Variants in CCDC178 observed in about 807,000 individuals in gnomAD.
CCDC178 encodes coiled-coil domain-containing protein 178.
A neutral mutation model predicts 117.4 loss-of-function variants in CCDC178; 126 were observed. The observed-to-expected ratio is 1.07, with a 90% CI of 0.93 to 1.24. CCDC178 has a LOEUF of 1.24. Among genes scored for constraint, CCDC178 ranks in the 50% most tolerant of loss-of-function variants. The pLI, the probability that CCDC178 is intolerant of heterozygous loss-of-function variation, is 0.00. For synonymous variants in CCDC178, 283 were observed against 313.4 expected, an observed-to-expected ratio of 0.90 and a Z score of 1.02; for missense variants, 1,030 against 986.9, an observed-to-expected ratio of 1.04 and a Z score of -0.59.
At chr18:33,317,187 T>G (rs2062431731) in intron 11 of CCDC178, among the ~76,000 whole-genome samples, 1 of 152,118 alleles carries the variant, frequency 6.6e-6, no homozygotes, top group South Asian at 2.1e-4. Context: ...GGGTCCACAC[T>G]GCCTTTATGA....
At chr18:33,410,712 G>C (rs1395349642) in intron 3 of CCDC178, among the ~76,000 whole-genome samples, 1 of 152,112 alleles carries the variant, frequency 6.6e-6, no homozygotes, top group Non-Finnish European at 1.5e-5. Flanking sequence ...TTCCTTTGCA[G>C]TGTGACTTTG....
At chr18:33,280,248 A>G (rs1244272561) in intron 12 of CCDC178, among the ~76,000 whole-genome samples, 1 of 152,182 alleles carries the variant, frequency 6.6e-6, no homozygotes, top group Non-Finnish European at 1.5e-5. Flanking sequence ...ACTCAAACAA[A>G]TTTACAAGAG....
At chr18:33,029,712 T>C (rs541155461) in intron 21 of CCDC178, among the ~76,000 whole-genome samples, 5 of 152,092 alleles carry the variant, frequency 3.3e-5, no homozygotes, top group Admixed American at 3.3e-4. Context: ...TTTATTTCAA[T>C]GTATTTTCTA....
At chr18:33,328,104 T>TTTTTTTTTTTTTTTTTTTTTTTTG (rs2062612140) in intron 10 of CCDC178, 1 of 184,884 alleles carries the variant, frequency 5.4e-6, no homozygotes, top group Non-Finnish European at 9.2e-6. Flanking sequence ...TTTTTTTTTT[T>TTTTTTTTTTTTTTTTTTTTTTTTG]TTTTTTTTTT....
At chr18:33,312,361 C>T (rs765757732) in intron 11 of CCDC178, among the ~76,000 whole-genome samples, 13 of 152,212 alleles carry the variant, frequency 8.5e-5, no homozygotes, top group South Asian at 4.1e-4. Context: ...ACCTCCTGCA[C>T]GATATTTGGA....
intron 3 of CCDC178, among the ~76,000 whole-genome samples, chr18:33,402,780 C>T (rs1446710546): frequency 6.6e-6 from 1 of 152,158 alleles, no homozygotes; most frequent in Non-Finnish European, 1.5e-5. Context: ...GCCCAGGCTA[C>T]ATTCAAACTC....
intron 3 of CCDC178, among the ~76,000 whole-genome samples, chr18:33,406,794 G>C (rs951888731): frequency 6.6e-6 from 1 of 152,038 alleles, no homozygotes; most frequent in South Asian, 2.1e-4. Context: ...CCAAAGAAAG[G>C]AAACAGGTAA....
In CCDC178 at chr18:33,348,936, C is replaced by T; in HGVS notation, c.411G>A (p.Trp137Ter). 1.2e-6 allele frequency: 2 copies of T among 1,610,068 alleles called. No homozygotes were observed. The highest frequency in any genetic ancestry group is 1.7e-6 in the Non-Finnish European group (2 of 1,178,006). ...TSSTKDLKEDWSVTTPVKEVK... is the reference protein window; with the variant it reads ...TSSTKDLKED ...CCTCTTTCACTGGTGTAGTTACACT[C>T]CAATCTTCTTTCAGGTCTTTTGTGG... Residue 137 changes from tryptophan to a stop codon, truncating the protein, a stop_gained, in exon 8 of 23, where the codon TGG becomes TGA. Coordinates refer to ENST00000383096, the MANE Select transcript of CCDC178 (RefSeq NM_001105528.4). LOFTEE classifies it high-confidence loss of function.
intron 21 of CCDC178, among the ~76,000 whole-genome samples, chr18:32,983,772 A>G (rs1183366432): frequency 6.6e-6 from 1 of 152,090 alleles, no homozygotes; most frequent in African/African-American, 2.4e-5. Context: ...ACAGATAGAT[A>G]AAACTGATAA....
chr18:33,122,369 C>A (rs748213737), intron 20 of CCDC178, among the ~76,000 whole-genome samples: 5 of 151,960 alleles, frequency 3.3e-5, no homozygotes, highest in African/African-American at 4.8e-5. Flanking sequence ...AATATTGATA[C>A]CTGCACTTAT....
intron 20 of CCDC178, among the ~76,000 whole-genome samples, chr18:33,161,492 T>C (rs1266145161): frequency 3.9e-5 from 6 of 152,202 alleles, no homozygotes; most frequent in Admixed American, 6.5e-5. Context: ...ACTGACAGCC[T>C]TCCTATTCAT....
At chr18:33,249,141 G>C (rs1434287473) in intron 14 of CCDC178, among the ~76,000 whole-genome samples, 1 of 151,946 alleles carries the variant, frequency 6.6e-6, no homozygotes, top group Non-Finnish European at 1.5e-5. Context: ...AAATTTGTTT[G>C]AGTTCATTGT....
intron 18 of CCDC178, among the ~76,000 whole-genome samples, chr18:33,216,449 C>G (rs1053888056): frequency 5.3e-5 from 8 of 151,964 alleles, no homozygotes; most frequent in Non-Finnish European, 7.4e-5. Flanking sequence ...TGTTTGTGTT[C>G]AAATGGAACT....
intron 15 of CCDC178, among the ~76,000 whole-genome samples, chr18:33,240,492 G>A (rs2059474996): frequency 6.6e-6 from 1 of 151,628 alleles, no homozygotes; most frequent in African/African-American, 2.4e-5. Context: ...GAAAAAAAGA[G>A]AGAAGACATA....
intron 9 of CCDC178, among the ~76,000 whole-genome samples, chr18:33,342,094 G>A (rs1024834832): frequency 1.3e-5 from 2 of 152,176 alleles, no homozygotes; most frequent in African/African-American, 2.4e-5. Flanking sequence ...GAGGCAAAAA[G>A]TAATCAAGGC....
intron 21 of CCDC178, among the ~76,000 whole-genome samples, chr18:33,039,527 G>A (rs2056507756): frequency 6.6e-6 from 1 of 152,006 alleles, no homozygotes; most frequent in African/African-American, 2.4e-5. Context: ...AGGCCCCTAT[G>A]CATGGGCTAA....
intron 22 of CCDC178, among the ~76,000 whole-genome samples, chr18:32,942,178 G>T (rs1335544823): frequency 6.6e-6 from 1 of 152,106 alleles, no homozygotes; most frequent in Non-Finnish European, 1.5e-5. Context: ...TTTTGGAAGG[G>T]TAAGTGATTA....
chr18:33,317,414 G>T (rs1008045871), intron 11 of CCDC178, among the ~76,000 whole-genome samples: 1 of 152,114 alleles, frequency 6.6e-6, no homozygotes, highest in Non-Finnish European at 1.5e-5. Context: ...ACAAACTCTG[G>T]ACACGCCGCC....
At chr18:33,262,453 A>G (rs1030214549) in intron 14 of CCDC178, among the ~76,000 whole-genome samples, 4 of 152,090 alleles carry the variant, frequency 2.6e-5, no homozygotes, top group African/African-American at 9.7e-5. Context: ...ACCTTAACTC[A>G]TCCAAATACC....
Sources: gnomAD v4.1 joint callset for allele counts (sites outside exome capture counted in the v4.1 genomes callset) on GRCh38, gnomAD v4.1.1 for gene constraint, MANE v1.5 for transcripts, NCBI Gene and HGNC (gene_info 2026-07-23, HGNC 2026-07-21) for gene names.